PRKX: variants seen among roughly 807,000 people sequenced by gnomAD.
PRKX encodes cAMP-dependent protein kinase catalytic subunit PRKX.
In PRKX, 12 loss-of-function variants were observed where a neutral mutation model predicts 22.0. The observed-to-expected ratio is 0.54, with a 90% confidence interval of 0.35 to 0.88. PRKX has a LOEUF of 0.88. PRKX is among the 40% of genes least tolerant of loss of function. The pLI is 0.01. For synonymous variants in PRKX, 134 were observed against 137.7 expected, an observed-to-expected ratio of 0.97 and a Z score of 0.19; for missense variants, 217 against 308.0, an observed-to-expected ratio of 0.70 and a Z score of 2.21.
chrX:3,625,930 T>C (rs763827066), intron 5 of PRKX, among the ~76,000 whole-genome samples: 17 of 112,050 alleles, frequency 1.5e-4, no homozygotes, highest in Non-Finnish European at 2.6e-4. Flanking sequence ...CTTTATAAAA[T>C]GTGCATCCAA....
intron 1 of PRKX, among the ~76,000 whole-genome samples, chrX:3,705,841 C>A (rs756876262): frequency 9.3e-6 from 1 of 107,011 alleles, no homozygotes; most frequent in African/African-American, 3.4e-5. Context: ...GCGCCCGCCA[C>A]CACACCCGGC....
chrX:3,676,488 A>G (rs1927958771), intron 1 of PRKX, among the ~76,000 whole-genome samples: 1 of 111,792 alleles, frequency 8.9e-6, no homozygotes, highest in African/African-American at 3.3e-5. Context: ...AAACAACCTC[A>G]GTGTCCGTCC....
chrX:3,675,557 C>G (rs987325392), intron 1 of PRKX, among the ~76,000 whole-genome samples: 1 of 110,156 alleles, frequency 9.1e-6, no homozygotes, highest in Admixed American at 9.8e-5. Context: ...CTTCCTCCTC[C>G]TCCATCTCCT....
chrX:3,675,859 A>G (rs1927942475), intron 1 of PRKX, among the ~76,000 whole-genome samples: 1 of 111,497 alleles, frequency 9.0e-6, no homozygotes, highest in African/African-American at 3.3e-5. Flanking sequence ...AGCTCACTGT[A>G]GCCTCTACCT....
At chrX:3,611,012 C>T (rs1041335138) in intron 8 of PRKX, 22 of 111,869 alleles carry the variant, frequency 2.0e-4, no homozygotes, top group African/African-American at 6.5e-4. Context: ...TAAAGTTACA[C>T]GCTCTCATGT....
intron 3 of PRKX, among the ~76,000 whole-genome samples, chrX:3,642,983 C>T (rs59695025): frequency 0.03 from 2,280 of 76,921 alleles, 91 homozygotes; most frequent in African/African-American, 0.11. Context: ...CCAACCTGGG[C>T]GACAGAGTGA....
chrX:3,671,873 A>T lies in PRKX; in HGVS notation c.335+2725T>A, dbSNP rs953856345. 1.3e-4 allele frequency among the ~76,000 whole-genome samples: 14 copies of T among 111,282 alleles called. No homozygotes were observed. The South Asian group carries it at 1.5e-3, about 12-fold the overall frequency. On this transcript the variant is annotated intron_variant, in intron 2 of 8. Coordinates refer to ENST00000262848, the MANE Select transcript of PRKX (RefSeq NM_005044.5). ...TGTGGTGGTGCACACCTGTAATCCC[A>T]GCATGTCAGGAGGCCAAGGCAAGTG...
In PRKX at chrX:3,605,310, C is replaced by G; in HGVS notation, c.*3659G>C. 1 of 112,292 alleles carries G rather than the reference C, an allele frequency of 8.9e-6. No homozygotes were observed. Among genetic ancestry groups the G allele is most frequent in the Non-Finnish European group, 1.9e-5 (1 of 53,271 alleles). 9.3% of individuals were successfully genotyped at this position (112,292 alleles called of 1,213,427 possible). ...CTACAACTGGAGAAATCAAAGGCTG[C>G]AAGGACTGTGTAGACCTGATGCAAA... On this transcript the variant is annotated 3_prime_UTR_variant, in exon 9 of 9. Coordinates refer to ENST00000262848, the MANE Select transcript of PRKX (RefSeq NM_005044.5).
At position 3,650,249 on chromosome X, in the gene PRKX, C is replaced by T. The variant is rs770846447; in HGVS notation, c.599+4900G>A. Among the ~76,000 whole-genome samples, 16 of 111,709 alleles carry T rather than the reference C, an allele frequency of 1.4e-4. No homozygotes were observed. The East Asian group carries it at 1.7e-3, about 12-fold the overall frequency. On this transcript the variant is annotated intron_variant, in intron 3 of 8. Transcript: ENST00000262848. ...GCTATAAGAGAAAAATGGCGGGGCA[C>T]GGTGGCTCACGCCTGTAATCCCAGC...
chrX:3,710,530 C>T (rs1292420424), intron 1 of PRKX, among the ~76,000 whole-genome samples: 1 of 111,361 alleles, frequency 9.0e-6, no homozygotes, highest in Non-Finnish European at 1.9e-5. Flanking sequence ...CGCCACCACG[C>T]CCGGCTAATT....
rs774249031 is a variant in PRKX at position 3,636,271 on chromosome X, C to T, written c.719+5581G>A. ...ATAGGAAAGGTGCAGACACAGGCTG[C>T]GAAGGGAGCAGGAAGACTCTGACTG... On this transcript the variant is annotated intron_variant, in intron 4 of 8. Transcript: ENST00000262848. 6.2e-5 allele frequency among the ~76,000 whole-genome samples: 7 copies of T among 112,271 alleles called. No homozygotes were observed. In the South Asian group the frequency reaches 1.1e-3, roughly 18 times the overall value.
intron 1 of PRKX, among the ~76,000 whole-genome samples, chrX:3,675,296 C>T (rs1193354747): frequency 3.6e-5 from 4 of 111,079 alleles, no homozygotes; most frequent in Non-Finnish European, 7.5e-5. Flanking sequence ...TACAATCTGG[C>T]GTGGGTTGGG....
chrX:3,701,555 G>A (rs1928573365), intron 1 of PRKX, among the ~76,000 whole-genome samples: 2 of 112,405 alleles, frequency 1.8e-5, no homozygotes, highest in Middle Eastern at 4.6e-3. Flanking sequence ...CTATGACATT[G>A]TCTCCAACCA....
At position 3,689,971 on chromosome X, in the gene PRKX, T is replaced by C. The variant is rs750823614; in HGVS notation, c.167-15205A>G. 2.0e-4 allele frequency among the ~76,000 whole-genome samples: 22 copies of C among 111,187 alleles called. 1 individual carries two copies. Among genetic ancestry groups the C allele is most frequent in the South Asian group, 7.6e-4 (2 of 2,623 alleles). On this transcript the variant is annotated intron_variant, in intron 1 of 8. Coordinates refer to ENST00000262848, the MANE Select transcript of PRKX (RefSeq NM_005044.5). ...CAGCCTGCGTGACAGAGCAAGACTC[T>C]GTCTCGAAAAAAACAAAACAAACAA...
At chrX:3,695,103 G>A (rs1435269522) in intron 1 of PRKX, among the ~76,000 whole-genome samples, 1 of 111,393 alleles carries the variant, frequency 9.0e-6, no homozygotes, top group Non-Finnish European at 1.9e-5. Context: ...GGCAGTAGTT[G>A]GCAATGCACC....
intron 2 of PRKX, among the ~76,000 whole-genome samples, chrX:3,659,716 TG>T (rs1404084904): frequency 1.2e-3 from 34 of 29,207 alleles, no homozygotes; most frequent in African/African-American, 8.4e-3. Context: ...GTGTTTTTTT[TG>T]TTTTTTTTTT....
intron 7 of PRKX, among the ~76,000 whole-genome samples, chrX:3,613,793 G>A (rs1212140606): frequency 1.1e-4 from 10 of 92,834 alleles, no homozygotes; most frequent in African/African-American, 4.0e-4. Context: ...AGGTTGCAGT[G>A]AGTTGAGATC....
intron 2 of PRKX, among the ~76,000 whole-genome samples, chrX:3,664,264 C>T (rs1016129595): frequency 1.8e-5 from 2 of 112,040 alleles, no homozygotes; most frequent in African/African-American, 3.2e-5. Context: ...GATAGGGTCT[C>T]GCTCTGTTGT....
chrX:3,701,394 CTG>C (rs1364604092), intron 1 of PRKX, among the ~76,000 whole-genome samples: 2 of 112,792 alleles, frequency 1.8e-5, no homozygotes, highest in African/African-American at 3.2e-5. Context: ...GCGTGAGCCA[CTG>C]TGTGTCGCCT....
Sources: gnomAD v4.1 joint callset for allele counts (sites outside exome capture counted in the v4.1 genomes callset) on GRCh38, gnomAD v4.1.1 for gene constraint, MANE v1.5 for transcripts, NCBI Gene and HGNC (gene_info 2026-07-23, HGNC 2026-07-21) for gene names.